Variants in ZNF544 observed in about 807,000 individuals in gnomAD.
ZNF544 encodes the protein zinc finger protein 544.
In ZNF544, 10 loss-of-function variants were observed where a neutral mutation model predicts 13.5. That is an observed-to-expected ratio of 0.74 (90% CI 0.46 to 1.25). ZNF544 has a LOEUF of 1.25. ZNF544 is among the 50% of genes most tolerant of loss of function. The pLI is 0.00. For synonymous variants in ZNF544, 323 were observed against 300.5 expected, an observed-to-expected ratio of 1.07 and a Z score of -0.77; for missense variants, 896 against 845.6, an observed-to-expected ratio of 1.06 and a Z score of -0.74.
chr19:58,258,445 G>A (rs1260053912), intron 6 of ZNF544: 1 of 63,722 alleles, frequency 1.6e-5, no homozygotes, highest in East Asian at 6.5e-4. Context: ...CCAGGTGTGA[G>A]GGTGCTGGGT....
At chr19:58,276,549 C>A in intron 6 of ZNF544, 1 of 483,252 alleles carries the variant, frequency 2.1e-6, no homozygotes, top group Non-Finnish European at 3.2e-6. Context: ...CTAATCGCAA[C>A]CTCCGCCTCC....
At position 58,262,908 on chromosome 19, in the gene ZNF544, C is replaced by T. The variant is rs7246802; in HGVS notation, c.*154C>T. ...CAGAGGACATATCCTGGAGAAAAGCCCTACGAATGCATTGATTGTGGGAAA... is the reference window on the plus strand; with the variant it reads ...CAGAGGACATATCCTGGAGAAAAGCTCTACGAATGCATTGATTGTGGGAAA... On this transcript the variant is annotated 3_prime_UTR_variant, in exon 7 of 7. Coordinates refer to ENST00000687789, the MANE Select transcript of ZNF544 (RefSeq NM_014480.4). The T allele has an allele frequency of 6.9e-4, 1,014 of 1,461,152 alleles. 6 individuals carry two copies. In the African/African-American group the frequency reaches 0.013, roughly 19 times the overall value. 90.5% of individuals were successfully genotyped at this position (1,461,152 alleles called of 1,614,324 possible).
At chr19:58,244,289 C>T (rs1291462890) in intron 4 of ZNF544, among the ~76,000 whole-genome samples, 1 of 151,900 alleles carries the variant, frequency 6.6e-6, no homozygotes. Context: ...CCTGTTCCAC[C>T]AGGCCAGGTC....
chr19:58,243,133 G>A (rs1600263125), intron 3 of ZNF544, among the ~76,000 whole-genome samples: 1 of 152,270 alleles, frequency 6.6e-6, no homozygotes, highest in South Asian at 2.1e-4. Flanking sequence ...GGCCTTTGGG[G>A]TCAGAGTTCA....
chr19:58,276,287 G>A, intron 5 of ZNF544: 1 of 1,151,826 alleles, frequency 8.7e-7, no homozygotes, highest in Non-Finnish European at 1.1e-6. Context: ...TGCAGGGGAA[G>A]GCAATAGATC....
chr19:58,255,227 G>A (rs536175474), intron 6 of ZNF544, among the ~76,000 whole-genome samples: 1 of 151,464 alleles, frequency 6.6e-6, no homozygotes, highest in Non-Finnish European at 1.5e-5. Flanking sequence ...GCTGGCTGGA[G>A]TGCAGTGGCA....
chr19:58,273,493 C>CGCCTGGCA (rs977412909), intron 5 of ZNF544, among the ~76,000 whole-genome samples: 3 of 151,654 alleles, frequency 2.0e-5, no homozygotes, highest in African/African-American at 7.3e-5. Flanking sequence ...GATAGAGACC[C>CGCCTGGCA]GCCTGGCCAA....
intron 5 of ZNF544, among the ~76,000 whole-genome samples, chr19:58,270,872 G>A (rs1196042489): frequency 6.6e-6 from 1 of 152,184 alleles, no homozygotes; most frequent in Non-Finnish European, 1.5e-5. Context: ...ATTGGCAGCG[G>A]ATGTGAGTCA....
At position 58,246,391 on chromosome 19, in the gene ZNF544, G is replaced by C; in HGVS notation, c.124G>C (p.Val42Leu). The C allele has an allele frequency of 6.2e-7, 1 of 1,614,124 alleles. No individual in the cohort carries two copies. Among genetic ancestry groups the C allele is most frequent in the Non-Finnish European group, 8.5e-7 (1 of 1,180,012 alleles). ...GGCCCAGAGGACACTGTACCGAGAGGTGACACTGGAGACCTGGGAGCATAT... is the reference window on the plus strand; with the variant it reads ...GGCCCAGAGGACACTGTACCGAGAGCTGACACTGGAGACCTGGGAGCATAT... ...DLAQRTLYREVTLETWEHIVS... is the reference protein window; with the variant it reads ...DLAQRTLYRELTLETWEHIVS... The change falls in exon 5 of 7, where the codon GTG (valine) becomes CTG (leucine). Residue 42 changes from valine to leucine, a missense_variant. Physicochemically the swap from Val to Leu is conservative, Grantham distance 32 (BLOSUM62 1). Transcript: ENST00000687789.
chr19:58,234,735 G>A (rs1365919124), intron 3 of ZNF544, among the ~76,000 whole-genome samples: 2 of 152,208 alleles, frequency 1.3e-5, no homozygotes, highest in Non-Finnish European at 2.9e-5. Flanking sequence ...TGATGTGAGG[G>A]TGAAATTTGG....
chr19:58,259,150 C>CA (rs1385053313), intron 6 of ZNF544: 2 of 152,234 alleles, frequency 1.3e-5, no homozygotes, highest in African/African-American at 4.8e-5. Context: ...TCTGAAGTGG[C>CA]AAACGGTGGA....
chr19:58,259,302 C>T (rs531858774), intron 6 of ZNF544: 8 of 152,262 alleles, frequency 5.3e-5, no homozygotes, highest in Admixed American at 4.6e-4. Flanking sequence ...AGAATTGGTG[C>T]ATTAAGAATA....
In ZNF544 at chr19:58,246,387, A is replaced by C; in HGVS notation, c.120A>C (p.Arg40=). 1 of 1,614,122 alleles carries C rather than the reference A, an allele frequency of 6.2e-7. No homozygotes were observed. The highest frequency in any genetic ancestry group is 8.5e-7 in the Non-Finnish European group (1 of 1,180,008). ...QLDLAQRTLY[R]EVTLETWEHI... ...ACCTGGCCCAGAGGACACTGTACCG[A>C]GAGGTGACACTGGAGACCTGGGAGC... The change falls in exon 5 of 7, where the codon CGA becomes CGC. Residue 40 remains arginine (R), a synonymous_variant. Coordinates refer to ENST00000687789, the MANE Select transcript of ZNF544 (RefSeq NM_014480.4).
intron 3 of ZNF544, 164 bp downstream of exon 3, chr19:58,230,626 A>G (rs1208095827): frequency 1.3e-5 from 2 of 152,548 alleles, no homozygotes; most frequent in Non-Finnish European, 2.9e-5. Context: ...AGATAGTAAC[A>G]CATAAGATAT....
At position 58,262,582 on chromosome 19, in the gene ZNF544, C is replaced by G. The variant is rs1425977084; in HGVS notation, c.1976C>G (p.Pro659Arg). 6.2e-7 allele frequency: 1 copy of G among 1,614,090 alleles called. No individual in the cohort carries two copies. The highest frequency in any genetic ancestry group is 8.5e-7 in the Non-Finnish European group (1 of 1,180,044). The change falls in exon 7 of 7, where the codon CCT (proline) becomes CGT (arginine). Residue 659 changes from proline to arginine, a missense_variant. Transcript: ENST00000687789. The stretch of plus-strand genomic sequence containing the variant: ...CAGAGAACTCACACTGGTGAGAAAC[C>G]TTTTGAGTGTAGTCAGTGTGGGAAA... ...MHQRTHTGEK[P>R]FECSQCGKAF...
intron 5 of ZNF544, among the ~76,000 whole-genome samples, chr19:58,272,349 G>A (rs2050734822): frequency 6.6e-6 from 1 of 151,996 alleles, no homozygotes; most frequent in Non-Finnish European, 1.5e-5. Context: ...ATCAACTGAG[G>A]CCGTGAGTTT....
At chr19:58,251,422 A>T (rs1463200941) in intron 6 of ZNF544, 1 of 518,114 alleles carries the variant, frequency 1.9e-6, no homozygotes, top group Non-Finnish European at 3.9e-6. Flanking sequence ...CCAACTATCT[A>T]ATCCTAGTAC....
intron 6 of ZNF544, among the ~76,000 whole-genome samples, chr19:58,252,766 C>T (rs2046492822): frequency 6.6e-6 from 1 of 152,166 alleles, no homozygotes; most frequent in Admixed American, 6.6e-5. Flanking sequence ...GAGAAGAATT[C>T]CACAACTTTT....
downstream of ZNF544, among the ~76,000 whole-genome samples, chr19:58,265,267 A>G (rs891495901): frequency 2.7e-5 from 4 of 148,024 alleles, no homozygotes; most frequent in East Asian, 1.9e-4. Context: ...GGAGACTAGA[A>G]GAGGCCATGT....
Sources: gnomAD v4.1 joint callset for allele counts (sites outside exome capture counted in the v4.1 genomes callset) on GRCh38, gnomAD v4.1.1 for gene constraint, MANE v1.5 for transcripts, NCBI Gene and HGNC (gene_info 2026-07-23, HGNC 2026-07-21) for gene names.